Variants in PCSK6 observed in about 807,000 individuals in gnomAD.
PCSK6 encodes proprotein convertase subtilisin/kexin type 6.
In PCSK6, 85 loss-of-function variants were observed where a neutral mutation model predicts 123.3. The observed-to-expected ratio is 0.69, with a 90% CI of 0.58 to 0.83. The LOEUF is 0.83. Ranked by LOEUF, PCSK6 falls within the 40% of genes least tolerant of loss-of-function variation. The pLI is 0.00. For missense variants in PCSK6, 1,191 were observed against 1,282.3 expected, an observed-to-expected ratio of 0.93 and a Z score of 1.09; for synonymous variants, 508 against 516.0, an observed-to-expected ratio of 0.98 and a Z score of 0.21.
Position 101,324,924 on chromosome 15 carries a change from C to T in PCSK6, c.2303G>A (p.Arg768His), listed in dbSNP as rs1459787573. The T allele has an allele frequency of 1.3e-5, 21 of 1,613,422 alleles. No homozygotes were observed. Among genetic ancestry groups the T allele is most frequent in the East Asian group, 1.1e-4 (5 of 44,894 alleles). The stretch of plus-strand genomic sequence containing the variant: ...CTCCTGGTGGTGATAGAACCCGCGG[C>T]GGCAAGACAGGCACTGCGTCGCAGC... The part of the protein sequence containing the change: ...SRAATQCLSC[R>H]RGFYHHQEMN... The change falls in exon 17 of 22, where the codon CGC (arginine) becomes CAC (histidine). Residue 768 changes from arginine to histidine, a missense_variant. By Grantham distance (29) the Arg-to-His change is conservative. Around this residue, in one of 3 missense-constraint regions of PCSK6, gnomAD observed 630 missense variants for 631.4 expected, o/e 1.00. Transcript: ENST00000611716.
intron 13 of PCSK6, among the ~76,000 whole-genome samples, chr15:101,362,023 C>A (rs887193615): frequency 7.4e-6 from 1 of 134,780 alleles, no homozygotes; most frequent in Admixed American, 8.1e-5. Context: ...GTGGCGCAAT[C>A]TCAGCTCACT....
At chr15:101,428,612 C>T (rs1292843832) in intron 5 of PCSK6, among the ~76,000 whole-genome samples, 3 of 152,242 alleles carry the variant, frequency 2.0e-5, no homozygotes, top group Non-Finnish European at 2.9e-5. Flanking sequence ...TCAGTAATGA[C>T]CCCATTCTCT....
chr15:101,342,926 G>T (rs184818122), intron 13 of PCSK6, among the ~76,000 whole-genome samples: 16 of 151,548 alleles, frequency 1.1e-4, no homozygotes, highest in Admixed American at 9.2e-4. Context: ...CCAAACTCTG[G>T]CTTCATTCAA....
intron 13 of PCSK6, among the ~76,000 whole-genome samples, chr15:101,362,666 C>T (rs1206614256): frequency 6.6e-6 from 1 of 152,184 alleles, no homozygotes; most frequent in Non-Finnish European, 1.5e-5. Flanking sequence ...GGTATCCAGC[C>T]TGTCTTACCT....
intron 6 of PCSK6, among the ~76,000 whole-genome samples, chr15:101,404,614 G>A (rs763898114): frequency 3.3e-5 from 5 of 152,184 alleles, no homozygotes; most frequent in East Asian, 1.9e-4. Flanking sequence ...GTGTAATCTC[G>A]CTTCCACATG....
intron 19 of PCSK6, 166 bp from the exon 20 acceptor site, chr15:101,313,671 C>T: frequency 9.2e-6 from 9 of 978,286 alleles, no homozygotes; most frequent in Non-Finnish European, 1.3e-5. Context: ...TCCTCACCCA[C>T]TCCCAGGAGG....
chr15:101,425,207 G>A (rs1322421291), intron 6 of PCSK6, among the ~76,000 whole-genome samples: 1 of 152,158 alleles, frequency 6.6e-6, no homozygotes, highest in African/African-American at 2.4e-5. Flanking sequence ...GACATGAGGT[G>A]GAGCTCACAC....
At chr15:101,323,326 G>C (rs1158823027) in intron 17 of PCSK6, among the ~76,000 whole-genome samples, 9 of 152,234 alleles carry the variant, frequency 5.9e-5, no homozygotes, top group Admixed American at 1.3e-4. Context: ...CCTTGGGAAG[G>C]GGGTGGGGAT....
chr15:101,485,487 T>C (rs1444612228), intron 1 of PCSK6, among the ~76,000 whole-genome samples: 2 of 152,254 alleles, frequency 1.3e-5, no homozygotes, highest in Non-Finnish European at 2.9e-5. Flanking sequence ...AGGGACTCCT[T>C]TCCCGGTGTG....
intron 13 of PCSK6, among the ~76,000 whole-genome samples, chr15:101,339,247 T>C (rs967890532): frequency 3.3e-5 from 5 of 152,216 alleles, no homozygotes; most frequent in South Asian, 2.1e-4. Flanking sequence ...ATTAACAATA[T>C]AGAGTTTAAT....
At chr15:101,366,747 CA>C (rs1040461184) in intron 12 of PCSK6, among the ~76,000 whole-genome samples, 3 of 152,170 alleles carry the variant, frequency 2.0e-5, no homozygotes, top group Non-Finnish European at 4.4e-5. Context: ...CGAAAGCAGA[CA>C]GGGGCGGGGG....
At chr15:101,380,881 G>A (rs949610674) in intron 11 of PCSK6, among the ~76,000 whole-genome samples, 10 of 152,092 alleles carry the variant, frequency 6.6e-5, no homozygotes, top group Admixed American at 5.9e-4. Context: ...TTTCAAACAC[G>A]TTTTCCAAAG....
At chr15:101,444,937 G>A (rs28453736) in intron 1 of PCSK6, among the ~76,000 whole-genome samples, 36,125 of 152,078 alleles carry the variant, frequency 0.24, 4,447 homozygotes, top group African/African-American at 0.31. Flanking sequence ...CAGCCCCTTT[G>A]CTTCCCTTCA....
At chr15:101,381,488 C>T (rs2041909484) in intron 11 of PCSK6, among the ~76,000 whole-genome samples, 1 of 152,164 alleles carries the variant, frequency 6.6e-6, no homozygotes, top group Non-Finnish European at 1.5e-5. Context: ...CTGCTCGAGC[C>T]TTGTTAAAAA....
At chr15:101,408,090 G>C (rs1406760420) in intron 6 of PCSK6, among the ~76,000 whole-genome samples, 1 of 152,202 alleles carries the variant, frequency 6.6e-6, no homozygotes, top group African/African-American at 2.4e-5. Context: ...CCGGCAGCTT[G>C]GGATGCAGGA....
intron 2 of PCSK6, among the ~76,000 whole-genome samples, chr15:101,437,676 C>T (rs1393041763): frequency 6.6e-6 from 1 of 152,206 alleles, no homozygotes; most frequent in Non-Finnish European, 1.5e-5. Context: ...GGAAATGGGA[C>T]AGTGCGTGTG....
chr15:101,431,330 G>A lies in PCSK6; in HGVS notation c.647C>T (p.Ala216Val), dbSNP rs1183826627. The change falls in exon 4 of 22, where the codon GCC becomes GTC. Residue 216 changes from alanine (A) to valine (V), a missense_variant. By Grantham distance (64) the Ala-to-Val change is moderately conservative (BLOSUM62 0). This residue lies in a region of PCSK6 where 357 missense variants were observed against 484.5 expected (regional missense o/e 0.74). Transcript: ENST00000611716. ...DGIERNHPDLAPNYDSYASYD... is the reference protein window; with the variant it reads ...DGIERNHPDLVPNYDSYASYD... ...CGAGGATTGACTTACATAATTTGGGGCCAGGTCAGGGTGATTTCTCTCTAT... is the reference window on the plus strand; with the variant it reads ...CGAGGATTGACTTACATAATTTGGGACCAGGTCAGGGTGATTTCTCTCTAT... The A allele has an allele frequency of 6.2e-7, 1 of 1,613,834 alleles. No individual in the cohort carries two copies. Among genetic ancestry groups the A allele is most frequent in the Non-Finnish European group, 8.5e-7 (1 of 1,179,880 alleles).
At chr15:101,394,859 C>T (rs1188136295) in intron 7 of PCSK6, among the ~76,000 whole-genome samples, 4 of 152,220 alleles carry the variant, frequency 2.6e-5, no homozygotes, top group African/African-American at 9.6e-5. Context: ...AGCCCCGCTG[C>T]TTAAGGCTGC....
intron 13 of PCSK6, chr15:101,364,775 T>C: frequency 2.2e-6 from 1 of 446,960 alleles, no homozygotes. Flanking sequence ...GAATTCCAAC[T>C]ACCTTTTAAA....
Sources: allele counts gnomAD v4.1 joint callset (sites outside exome capture counted in the v4.1 genomes callset), GRCh38; gene constraint gnomAD v4.1.1; regional missense constraint gnomAD v4.1.1; transcripts MANE v1.5; gene names NCBI Gene and HGNC (gene_info 2026-07-23, HGNC 2026-07-21).